The following TET1 variants were observed in gnomAD, a reference collection of about 807,000 sequenced individuals.
TET1 encodes the protein tet methylcytosine dioxygenase 1, also known as methylcytosine dioxygenase TET1.
TET1 carries 13 observed loss-of-function variants against 148.7 expected under a neutral mutation model. That is an observed-to-expected ratio of 0.09 (90% confidence interval 0.06 to 0.14). The LOEUF (loss-of-function observed/expected upper bound fraction) is 0.14, where lower values mean the gene tolerates loss of function less well. Ranked by LOEUF, TET1 falls within the 10% of genes least tolerant of loss-of-function variation. The probability of loss-of-function intolerance (pLI) is 1.00; values close to 1 mark genes in which losing one functional copy is unlikely to be tolerated. For synonymous variants in TET1, 907 were observed against 937.2 expected (o/e 0.97, Z 0.59); for missense variants, 2,182 against 2,553.8 (o/e 0.85, Z 3.14).
In TET1 at chr10:68,613,153, G is replaced by A. The variant is rs77445996; in HGVS notation, c.1968+12119G>A. On this transcript the variant is annotated intron_variant, in intron 3 of 11. Transcript: ENST00000373644. ...TACTTCCTCAAATCATTGATCCAGC[G>A]TTGATAGTCTCTGTAATTAATTGCT... Among the ~76,000 whole-genome samples the A allele has an allele frequency of 4.1e-3, 630 of 152,226 alleles. 4 individuals are homozygous for A. Among genetic ancestry groups the A allele is most frequent in the African/African-American group, 0.014 (598 of 41,522 alleles).
chr10:68,581,387 AG>A, intron 2 of TET1, among the ~76,000 whole-genome samples: 1 of 152,304 alleles, frequency 6.6e-6, no homozygotes, highest in Non-Finnish European at 1.5e-5. Context: ...TAAATAGGGT[AG>A]TGCATTTTGA....
intron 2 of TET1, among the ~76,000 whole-genome samples, chr10:68,582,409 T>C (rs1341618747): frequency 6.6e-6 from 1 of 152,194 alleles, no homozygotes; most frequent in Non-Finnish European, 1.5e-5. Flanking sequence ...GATGACACTA[T>C]TAAGTCAGCT....
At chr10:68,685,835 T>C (rs2055501063) in intron 10 of TET1, among the ~76,000 whole-genome samples, 1 of 152,072 alleles carries the variant, frequency 6.6e-6, no homozygotes, top group East Asian at 1.9e-4. Flanking sequence ...AAGAGAATAT[T>C]TATCAATATA....
At position 68,691,007 on chromosome 10, in the gene TET1, C is replaced by T. The variant is rs763770559; in HGVS notation, c.5604C>T (p.Ala1868=). 6.2e-7 allele frequency: 1 copy of T among 1,614,198 alleles called. No homozygotes were observed. The highest frequency in any genetic ancestry group is 8.5e-7 in the Non-Finnish European group (1 of 1,180,022). Residue 1868 remains alanine (A), a synonymous_variant, in exon 12 of 12, where the codon GCC becomes GCT. Transcript: ENST00000373644. This position sits in a 1 kb window ranked among gnomAD's most constrained non-coding sequence, Gnocchi z 4.4. ...TPAPLKNDAT[A]SCGFSERSST... ...CTCCACTGAAGAATGACGCAACAGC[C>T]TCATGCGGGTTTTCAGAAAGAAGCA...
Position 68,686,416 on chromosome 10 carries a change from C to A in TET1, c.5113C>A (p.Leu1705Ile). The A allele has an allele frequency of 6.2e-7, 1 of 1,614,072 alleles. No homozygotes were observed. Among genetic ancestry groups the A allele is most frequent in the Non-Finnish European group, 8.5e-7 (1 of 1,180,014 alleles). Residue 1705 changes from leucine (L) to isoleucine (I), a missense_variant, in exon 11 of 12, where the codon CTC becomes ATC. By Grantham distance (5) the Leu-to-Ile change is conservative (BLOSUM62 2). This residue lies in a region of TET1 where 380 missense variants were observed against 387.9 expected (regional missense o/e 0.98). Coordinates refer to ENST00000373644, the MANE Select transcript of TET1 (RefSeq NM_030625.3). ...GGGTGTTATTCCTCAAGATGAGCAG[C>A]TCCATGTGCTACCTCTTTATAAGCT... ...SLGVIPQDEQ[L>I]HVLPLYKLSD...
chr10:68,620,441 T>C (rs1288231687), intron 3 of TET1, among the ~76,000 whole-genome samples: 1 of 152,194 alleles, frequency 6.6e-6, no homozygotes, highest in Non-Finnish European at 1.5e-5. Context: ...TGACTGACTT[T>C]CACTTTGCAT....
chr10:68,564,341 G>T (rs1179566870), intron 1 of TET1, among the ~76,000 whole-genome samples: 1 of 151,694 alleles, frequency 6.6e-6, no homozygotes, highest in African/African-American at 2.4e-5. Context: ...TAGAGATGGG[G>T]ATTCACCATG....
rs77138420 is a variant in TET1 at position 68,636,753 on chromosome 10, A to T, written c.1969-7945A>T. Among the ~76,000 whole-genome samples the T allele has an allele frequency of 2.6e-3, 391 of 152,284 alleles. 2 individuals carry two copies. The highest frequency in any genetic ancestry group is 9.1e-3 in the African/African-American group (378 of 41,582). On this transcript the variant is annotated intron_variant, in intron 3 of 11. Transcript: ENST00000373644. Reference sequence around the variant, plus strand: ...CATCCAGCCTAGATATGGAAGAGCCATGAGGCCCTACATCACCAAGGTAAG... The same window carrying T: ...CATCCAGCCTAGATATGGAAGAGCCTTGAGGCCCTACATCACCAAGGTAAG...
At chr10:68,580,517 T>C (rs1181076251) in intron 2 of TET1, among the ~76,000 whole-genome samples, 11 of 150,224 alleles carry the variant, frequency 7.3e-5, no homozygotes, top group Admixed American at 5.3e-4. Flanking sequence ...CGGTGGCTCA[T>C]GCCTGTAATC....
chr10:68,561,293 A>G (rs969670007), intron 1 of TET1, among the ~76,000 whole-genome samples: 2 of 151,940 alleles, frequency 1.3e-5, no homozygotes, highest in African/African-American at 4.8e-5. Context: ...TGGTAGGGAA[A>G]CGCTTTGGCG....
At position 68,674,726 on chromosome 10, in the gene TET1, T is replaced by TTCTGTG. The variant is rs1303260017; in HGVS notation, c.4824+1683_4824+1688dup. ...TACCGGTGCTTACTTGCTTCATGTG[T>TTCTGTG]TCTGTGTTGGTTTTACTAAAAAATG... On this transcript the variant is annotated intron_variant, in intron 8 of 11. Coordinates refer to ENST00000373644, the MANE Select transcript of TET1 (RefSeq NM_030625.3). The TTCTGTG allele has an allele frequency of 3.3e-5, 16 of 489,906 alleles. No homozygotes were observed. The East Asian group carries it at 8.5e-4, about 26-fold the overall frequency. 30.3% of individuals were successfully genotyped at this position (489,906 alleles called of 1,614,324 possible).
intron 9 of TET1, among the ~76,000 whole-genome samples, chr10:68,682,093 C>CTTTTTTTTTTTT (rs386371716): frequency 6.0e-5 from 4 of 67,050 alleles, no homozygotes; most frequent in African/African-American, 1.2e-4. Flanking sequence ...TTGATCTACT[C>CTTTTTTTTTTTT]TTTTTTTTTT....
At position 68,692,409 on chromosome 10, in the gene TET1, A is replaced by G. The variant is rs963324161; in HGVS notation, c.*595A>G. ...TGTTAGTAATGGTTGGAGGCTGTTC[A>G]TAAATTGTAAATATATATTTTAAAA... On this transcript the variant is annotated 3_prime_UTR_variant, in exon 12 of 12. Coordinates refer to ENST00000373644, the MANE Select transcript of TET1 (RefSeq NM_030625.3). 8.6e-6 allele frequency: 2 copies of G among 231,866 alleles called. No homozygotes were observed. The highest frequency in any genetic ancestry group is 4.4e-5 in the African/African-American group (2 of 45,292). The allele number at this position is 231,866 out of a possible 1,614,324, so 14.4% of individuals were successfully genotyped here. A position where few individuals can be genotyped will look rare whatever the true frequency, so the allele number is the denominator to read the frequency against.
At chr10:68,590,304 T>C (rs2053904986) in intron 2 of TET1, among the ~76,000 whole-genome samples, 1 of 151,634 alleles carries the variant, frequency 6.6e-6, no homozygotes, top group South Asian at 2.1e-4. Flanking sequence ...TGTTTGTTTT[T>C]GTTTTTGTTT....
intron 4 of TET1, among the ~76,000 whole-genome samples, chr10:68,649,848 G>T (rs2054905423): frequency 6.6e-6 from 1 of 152,164 alleles, no homozygotes; most frequent in African/African-American, 2.4e-5. Context: ...AATACCTGCA[G>T]GGGACTCAGC....
intron 2 of TET1, among the ~76,000 whole-genome samples, chr10:68,599,913 ACTCCTCCCT>A (rs2054032733): frequency 7.0e-6 from 1 of 143,862 alleles, no homozygotes; most frequent in African/African-American, 2.6e-5. Context: ...TATTTTGAAA[ACTCCTCCCT>A]CTCTTTTTGT....
At chr10:68,656,339 T>C (rs1452173776) in intron 6 of TET1, among the ~76,000 whole-genome samples, 2 of 152,178 alleles carry the variant, frequency 1.3e-5, no homozygotes, top group Non-Finnish European at 2.9e-5. Context: ...CTCGGCTCAC[T>C]GCAAGCTCCG....
intron 7 of TET1, among the ~76,000 whole-genome samples, 191 bp downstream of exon 7, chr10:68,667,447 T>A (rs528056288): frequency 4.6e-4 from 70 of 152,310 alleles, no homozygotes; most frequent in Non-Finnish European, 9.3e-4. Flanking sequence ...CTTTAAATCA[T>A]TCTCCTTTGG....
intron 3 of TET1, among the ~76,000 whole-genome samples, chr10:68,630,043 T>C (rs929668993): frequency 6.6e-6 from 1 of 152,140 alleles, no homozygotes; most frequent in African/African-American, 2.4e-5. Flanking sequence ...CTGGTATCTT[T>C]TTTTATTTTC....
Sources: gnomAD v4.1 joint callset for allele counts (sites outside exome capture counted in the v4.1 genomes callset) on GRCh38, gnomAD v4.1.1 for gene constraint, gnomAD v4.1.1 regional missense constraint, Gnocchi (gnomAD v3.1) non-coding constraint, MANE v1.5 for transcripts, NCBI Gene and HGNC (gene_info 2026-07-23, HGNC 2026-07-21) for gene names.